The following NRG3 variants were observed in gnomAD, a reference collection of about 807,000 sequenced individuals.
NRG3 encodes neuregulin 3.
A neutral mutation model predicts 66.9 loss-of-function variants in NRG3; 31 were observed. The ratio of observed to expected loss-of-function variants is 0.46; its 90% CI spans 0.35 to 0.63. The LOEUF (loss-of-function observed/expected upper bound fraction) is 0.63, where lower values mean the gene tolerates loss of function less well. Ranked by LOEUF, NRG3 falls within the 20% of genes least tolerant of loss-of-function variation. NRG3 has a pLI of 0.00. For synonymous variants in NRG3, 393 were observed against 359.4 expected (o/e 1.09, Z -1.06); for missense variants, 910 against 878.9 (o/e 1.04, Z -0.45).
intron 2 of NRG3, among the ~76,000 whole-genome samples, chr10:82,491,313 TATA>T (rs1843116126): frequency 6.0e-5 from 3 of 50,202 alleles, no homozygotes; most frequent in Non-Finnish European, 7.8e-5. Context: ...TATATATATA[TATA>T]AAATAAAGAT....
At chr10:82,960,696 A>G (rs1251546153) in intron 6 of NRG3, among the ~76,000 whole-genome samples, 1 of 152,042 alleles carries the variant, frequency 6.6e-6, no homozygotes, top group Non-Finnish European at 1.5e-5. Flanking sequence ...TTCTACCACA[A>G]AAGAAGTGAA....
In NRG3 at chr10:82,817,091, A is replaced by G. The variant is rs541192640; in HGVS notation, c.1028-48320A>G. Among the ~76,000 whole-genome samples, 3 of 152,294 alleles carry G rather than the reference A, an allele frequency of 2.0e-5. No individual in the cohort carries two copies. In the East Asian group the frequency reaches 5.8e-4, roughly 29 times the overall value. On this transcript the variant is annotated intron_variant, in intron 3 of 8. Transcript: ENST00000372141. ...GATCTTGCCTTTTCCACGCTGCTGA[A>G]AAGATTTCCCCAGTTTCCAGTCTTG...
chr10:82,502,656 C>T (rs918015657), intron 2 of NRG3, among the ~76,000 whole-genome samples: 2 of 152,064 alleles, frequency 1.3e-5, no homozygotes, highest in African/African-American at 2.4e-5. Flanking sequence ...GAGTGACTTT[C>T]GAAGAGTTAC....
chr10:82,343,109 C>G (rs2082770179), intron 1 of NRG3, among the ~76,000 whole-genome samples: 1 of 151,758 alleles, frequency 6.6e-6, no homozygotes, highest in Non-Finnish European at 1.5e-5. Context: ...CTAGGGCTCT[C>G]AATGCTGTAG....
intron 1 of NRG3, among the ~76,000 whole-genome samples, chr10:82,316,114 T>C (rs1439921785): frequency 6.6e-6 from 1 of 152,186 alleles, no homozygotes; most frequent in Non-Finnish European, 1.5e-5. Context: ...AGACTTCTAC[T>C]TGTGCCTTCT....
chr10:82,221,723 C>G (rs980239035), intron 1 of NRG3, among the ~76,000 whole-genome samples: 1 of 152,014 alleles, frequency 6.6e-6, no homozygotes, highest in Non-Finnish European at 1.5e-5. Flanking sequence ...AATCTTTAAC[C>G]AAACCACAGG....
intron 2 of NRG3, among the ~76,000 whole-genome samples, chr10:82,519,231 G>C (rs1003870810): frequency 5.9e-5 from 9 of 152,152 alleles, no homozygotes; most frequent in African/African-American, 1.9e-4. Context: ...GTTCTTAGGA[G>C]AATCTATAGT....
chr10:82,172,406 T>C (rs1231422288), intron 1 of NRG3, among the ~76,000 whole-genome samples: 1 of 152,148 alleles, frequency 6.6e-6, no homozygotes, highest in African/African-American at 2.4e-5. Context: ...CTTTGATTTA[T>C]TTTTAATGTG....
At chr10:82,871,790 A>G (rs1841366300) in intron 4 of NRG3, among the ~76,000 whole-genome samples, 1 of 152,090 alleles carries the variant, frequency 6.6e-6, no homozygotes, top group African/African-American at 2.4e-5. Flanking sequence ...TGATATAATC[A>G]TTTATTTGTT....
chr10:82,081,870 A>G (rs1201061188), intron 1 of NRG3, among the ~76,000 whole-genome samples: 3 of 152,146 alleles, frequency 2.0e-5, no homozygotes, highest in East Asian at 1.9e-4. Context: ...TAAAACTGCA[A>G]CAAGCCAGGT....
intron 2 of NRG3, among the ~76,000 whole-genome samples, chr10:82,713,664 G>A (rs958628464): frequency 6.6e-6 from 1 of 152,168 alleles, no homozygotes. Flanking sequence ...GTGCATACAT[G>A]GGACTTGGTA....
Position 82,881,161 on chromosome 10 carries a change from T to A in NRG3, c.1054+15724T>A, listed in dbSNP as rs140446325. Among the ~76,000 whole-genome samples, 234 of 152,330 alleles carry A rather than the reference T, an allele frequency of 1.5e-3. 2 individuals carry two copies. The highest frequency in any genetic ancestry group is 5.5e-3 in the African/African-American group (228 of 41,578). The stretch of plus-strand genomic sequence containing the variant: ...AACAAGGCAAACACAACCTGCAAGC[T>A]CATTGGTTCTGGGCAGGATGGATCC... On this transcript the variant is annotated intron_variant, in intron 4 of 8. Transcript: ENST00000372141.
intron 4 of NRG3, among the ~76,000 whole-genome samples, chr10:82,944,310 T>A (rs1233874213): frequency 6.6e-6 from 1 of 152,208 alleles, no homozygotes; most frequent in Non-Finnish European, 1.5e-5. Context: ...TGCAGTCTTA[T>A]GTTTTTGTTT....
chr10:82,740,178 C>T (rs537579836), intron 3 of NRG3, among the ~76,000 whole-genome samples: 1 of 150,444 alleles, frequency 6.6e-6, no homozygotes, highest in Non-Finnish European at 1.5e-5. Context: ...TTCCCTTTCC[C>T]CCTTTCCTCC....
At chr10:82,631,185 C>A (rs1386717849) in intron 2 of NRG3, among the ~76,000 whole-genome samples, 1 of 152,186 alleles carries the variant, frequency 6.6e-6, no homozygotes, top group Admixed American at 6.5e-5. Flanking sequence ...ATCCTTCCAA[C>A]TCTCTAGTGT....
chr10:82,232,737 C>T (rs1320633747), intron 1 of NRG3: 1 of 717,140 alleles, frequency 1.4e-6, no homozygotes, highest in East Asian at 2.7e-5. Context: ...ATTTTCTACT[C>T]ACAGGTCCTA....
intron 1 of NRG3, among the ~76,000 whole-genome samples, chr10:82,061,034 T>C (rs942928698): frequency 6.6e-6 from 1 of 152,198 alleles, no homozygotes; most frequent in Non-Finnish European, 1.5e-5. Context: ...ACCCAAGTTG[T>C]ATTGTTTTGG....
At chr10:82,555,821 A>G (rs2044612157) in intron 2 of NRG3, among the ~76,000 whole-genome samples, 1 of 152,208 alleles carries the variant, frequency 6.6e-6, no homozygotes, top group Admixed American at 6.5e-5. Flanking sequence ...AGAATTTCTC[A>G]TTTTTGAAAA....
rs149051711 is a variant in NRG3 at position 82,457,883 on chromosome 10, C to T, written c.953+99015C>T. ...TCTGTTCTCCCTGGGCTGATTTTTC[C>T]GCTAAGAAAATCTTAAGGAGGGTCT... On this transcript the variant is annotated intron_variant, in intron 2 of 8. Transcript: ENST00000372141. 4.1e-3 allele frequency among the ~76,000 whole-genome samples: 625 copies of T among 152,296 alleles called. 1 individual carries two copies. The highest frequency in any genetic ancestry group is 0.014 in the African/African-American group (584 of 41,552).
Sources: allele counts gnomAD v4.1 joint callset (sites outside exome capture counted in the v4.1 genomes callset), GRCh38; gene constraint gnomAD v4.1.1; transcripts MANE v1.5; gene names NCBI Gene and HGNC (gene_info 2026-07-23, HGNC 2026-07-21).